The following PTPRN2 variants were observed in gnomAD, a reference collection of about 807,000 sequenced individuals.
The protein encoded by PTPRN2 is protein tyrosine phosphatase receptor type N2.
A neutral mutation model predicts 118.8 loss-of-function variants in PTPRN2; 74 were observed. The observed-to-expected ratio is 0.62, with a 90% CI of 0.52 to 0.76. The LOEUF is 0.76. PTPRN2 is among the 30% of genes least tolerant of loss of function. The pLI, the probability that PTPRN2 is intolerant of heterozygous loss-of-function variation, is 0.00. For missense variants in PTPRN2, 1,481 were observed against 1,394.4 expected, an observed-to-expected ratio of 1.06 and a Z score of -0.99; for synonymous variants, 641 against 608.0, an observed-to-expected ratio of 1.05 and a Z score of -0.80.
chr7:157,858,119 C>T (rs867383322), intron 12 of PTPRN2, among the ~76,000 whole-genome samples: 8,089 of 58,052 alleles, frequency 0.14, 388 homozygotes, highest in East Asian at 0.24. Flanking sequence ...GCCTCCCAGC[C>T]ACCACCCACA....
intron 9 of PTPRN2, among the ~76,000 whole-genome samples, chr7:158,128,383 G>C (rs1373467496): frequency 6.6e-6 from 1 of 151,972 alleles, no homozygotes; most frequent in African/African-American, 2.4e-5. Context: ...CAAAGGAAAA[G>C]AAAAGAAGTC....
Position 157,615,573 on chromosome 7 carries a change from C to G in PTPRN2, c.2344+5789G>C. 2.1e-6 allele frequency: 1 copy of G among 471,234 alleles called. No individual in the cohort carries two copies. The highest frequency in any genetic ancestry group is 4.4e-6 in the Non-Finnish European group (1 of 227,072). 29.2% of individuals were successfully genotyped at this position (471,234 alleles called of 1,614,324 possible). On this transcript the variant is annotated intron_variant, in intron 15 of 22. Coordinates refer to ENST00000389418, the MANE Select transcript of PTPRN2 (RefSeq NM_002847.5). This position sits in a 1 kb window ranked among gnomAD's most constrained non-coding sequence, Gnocchi z 4.3. ...ACAATCTCAGCCCTGGAACCAGCGC[C>G]TGGGAAGTCCCGCGGTGGATCCGCG... is the stretch of plus-strand genomic sequence containing the variant.
chr7:157,723,498 G>T (rs1197158830), intron 12 of PTPRN2, among the ~76,000 whole-genome samples: 1 of 152,174 alleles, frequency 6.6e-6, no homozygotes, highest in East Asian at 1.9e-4. Flanking sequence ...GCATGTCACT[G>T]CGCTCGCCGG....
At position 158,093,311 on chromosome 7, in the gene PTPRN2, G is replaced by A. The variant is rs1585414536; in HGVS notation, c.1644-11934C>T. Among the ~76,000 whole-genome samples the A allele has an allele frequency of 6.7e-6, 1 of 148,706 alleles. No individual in the cohort carries two copies. The highest frequency in any genetic ancestry group is 2.5e-5 in the African/African-American group (1 of 40,052). ...CGACCCCCACACTGTAGACCCACAC[G>A]CAGGCCTGCACCGTCCTTTCCTGAC... On this transcript the variant is annotated intron_variant, in intron 10 of 22. Transcript: ENST00000389418. This position sits in a 1 kb window ranked among gnomAD's most constrained non-coding sequence, Gnocchi z 4.4.
At chr7:158,101,583 T>A (rs1476265890) in intron 10 of PTPRN2, among the ~76,000 whole-genome samples, 2 of 152,232 alleles carry the variant, frequency 1.3e-5, no homozygotes, top group Non-Finnish European at 2.9e-5. Flanking sequence ...AACTCATTCC[T>A]TCTTCCAGTC....
chr7:158,179,235 T>C (rs1285328003), intron 5 of PTPRN2, among the ~76,000 whole-genome samples: 3 of 152,240 alleles, frequency 2.0e-5, no homozygotes, highest in Non-Finnish European at 4.4e-5. Flanking sequence ...GTGGTTTTAA[T>C]TTGCATTTCC....
intron 11 of PTPRN2, among the ~76,000 whole-genome samples, chr7:157,956,717 C>T (rs1221577822): frequency 6.6e-6 from 1 of 152,228 alleles, no homozygotes; most frequent in African/African-American, 2.4e-5. Context: ...GAATCAAGGG[C>T]CCACAGAGGA....
At chr7:158,051,166 G>A (rs1809298493) in intron 11 of PTPRN2, among the ~76,000 whole-genome samples, 1 of 152,210 alleles carries the variant, frequency 6.6e-6, no homozygotes, top group Non-Finnish European at 1.5e-5. Flanking sequence ...TGTCCCCAAG[G>A]GCCCCATCCA....
chr7:157,852,801 A>G (rs112967420), intron 12 of PTPRN2, among the ~76,000 whole-genome samples: 3 of 146,738 alleles, frequency 2.0e-5, no homozygotes, highest in Admixed American at 7.1e-5. Context: ...CCCAGGAGGC[A>G]GAGGTTGCAG....
At chr7:158,325,640 G>A (rs1437555783) in intron 2 of PTPRN2, among the ~76,000 whole-genome samples, 1 of 152,210 alleles carries the variant, frequency 6.6e-6, no homozygotes, top group Non-Finnish European at 1.5e-5. Flanking sequence ...GGGCAGAAAA[G>A]GCACCCCAAT....
intron 12 of PTPRN2, among the ~76,000 whole-genome samples, chr7:157,871,033 G>A (rs1278856618): frequency 6.6e-6 from 1 of 152,230 alleles, no homozygotes; most frequent in Non-Finnish European, 1.5e-5. Flanking sequence ...CTGGTGCTGG[G>A]GGCGCTAGGC....
At chr7:157,880,677 G>A (rs1396859363) in intron 12 of PTPRN2, among the ~76,000 whole-genome samples, 2 of 152,232 alleles carry the variant, frequency 1.3e-5, no homozygotes, top group East Asian at 3.8e-4. Context: ...TATTGCTATG[G>A]CTGGATGGCT....
At chr7:158,184,869 C>T (rs967562833) in intron 5 of PTPRN2, among the ~76,000 whole-genome samples, 2 of 152,150 alleles carry the variant, frequency 1.3e-5, no homozygotes, top group Non-Finnish European at 2.9e-5. Context: ...TAAGAGCAGA[C>T]ATCCTCGTCT....
At chr7:158,085,555 CCCA>C (rs1813295416) in intron 10 of PTPRN2, among the ~76,000 whole-genome samples, 1 of 134,498 alleles carries the variant, frequency 7.4e-6, no homozygotes, top group Non-Finnish European at 1.6e-5. Flanking sequence ...CCCATCCACA[CCCA>C]CCACGCCCAT....
intron 2 of PTPRN2, among the ~76,000 whole-genome samples, chr7:158,335,246 A>G (rs546545190): frequency 0.068 from 1,403 of 20,652 alleles, 3 homozygotes; most frequent in African/African-American, 0.24. Flanking sequence ...TCTCACCATA[A>G]GAGGTGACAC....
At chr7:158,149,315 T>C (rs1820653099) in intron 6 of PTPRN2, among the ~76,000 whole-genome samples, 1 of 152,096 alleles carries the variant, frequency 6.6e-6, no homozygotes, top group African/African-American at 2.4e-5. Context: ...AATGTGTAAA[T>C]CACTGCCTAT....
chr7:158,153,819 G>A (rs973707113), intron 6 of PTPRN2, among the ~76,000 whole-genome samples: 11 of 152,060 alleles, frequency 7.2e-5, no homozygotes, highest in African/African-American at 2.4e-4. Flanking sequence ...GCCAGGTCTG[G>A]TCAGATCTGG....
intron 5 of PTPRN2, among the ~76,000 whole-genome samples, chr7:158,174,292 C>A (rs1025635663): frequency 6.6e-6 from 1 of 152,248 alleles, no homozygotes; most frequent in Admixed American, 6.5e-5. Context: ...TCAACAATAT[C>A]ATCTCCACTA....
At chr7:157,888,876 A>G (rs1796637315) in intron 12 of PTPRN2, among the ~76,000 whole-genome samples, 1 of 152,154 alleles carries the variant, frequency 6.6e-6, no homozygotes, top group Admixed American at 6.5e-5. Context: ...CTAAAGGTAA[A>G]ATGAGATAGA....
Sources: gnomAD v4.1 joint callset for allele counts (sites outside exome capture counted in the v4.1 genomes callset) on GRCh38, gnomAD v4.1.1 for gene constraint, Gnocchi (gnomAD v3.1) non-coding constraint, MANE v1.5 for transcripts, NCBI Gene and HGNC (gene_info 2026-07-23, HGNC 2026-07-21) for gene names.